Variants in AGMO observed in about 807,000 individuals in gnomAD.
The protein encoded by AGMO is glyceryl-ether monooxygenase.
A neutral mutation model predicts 60.2 loss-of-function variants in AGMO; 75 were observed. The observed-to-expected ratio is 1.25, with a 90% CI of 1.03 to 1.51. AGMO has a LOEUF of 1.51. AGMO is among the 40% of genes most tolerant of loss of function. AGMO has a pLI of 0.00. For synonymous variants in AGMO, 261 were observed against 177.1 expected (o/e 1.47, Z -3.76); for missense variants, 763 against 525.5 (o/e 1.45, Z -4.42).
At chr7:15,269,912 G>A (rs1034350967) in intron 12 of AGMO, among the ~76,000 whole-genome samples, 4 of 151,976 alleles carry the variant, frequency 2.6e-5, no homozygotes, top group Non-Finnish European at 5.9e-5. Context: ...GCCTCCAGCT[G>A]CCTCCATGTT....
At chr7:15,181,609 G>A in the AGMO span, among the ~76,000 whole-genome samples, 2 of 151,966 alleles carry the variant, frequency 1.3e-5, no homozygotes, top group African/African-American at 4.8e-5. Context: ...AAGCTTGTAG[G>A]TTCAATATAT....
chr7:15,262,946 TTAAA>T (rs1370414217), intron 12 of AGMO, among the ~76,000 whole-genome samples: 1 of 152,096 alleles, frequency 6.6e-6, no homozygotes, highest in East Asian at 1.9e-4. Context: ...GATCAAAGAC[TTAAA>T]TATAAGACCT....
At chr7:15,560,348 C>A in intron 1 of AGMO, 77 bp from the exon 2 acceptor site, 1 of 1,499,478 alleles carries the variant, frequency 6.7e-7, no homozygotes. Flanking sequence ...TTAGTCATTT[C>A]AGAATTGAAA....
chr7:15,142,876 T>G, the AGMO span, among the ~76,000 whole-genome samples: 1 of 152,320 alleles, frequency 6.6e-6, no homozygotes, highest in South Asian at 2.1e-4. Flanking sequence ...ACTAAGAAAC[T>G]TGCAGTTGTT....
Position 15,364,499 on chromosome 7 carries a change from A to G in AGMO, c.1263+1015T>C, listed in dbSNP as rs530630660. ...TATTTTACTACTTTATTAATGAATA[A>G]TAATTTCAAATAGTCCTCCATTCAT... On this transcript the variant is annotated intron_variant, in intron 12 of 12. Transcript: ENST00000342526. Among the ~76,000 whole-genome samples the G allele has an allele frequency of 5.1e-4, 77 of 152,182 alleles. 1 individual carries two copies. Among genetic ancestry groups the G allele is most frequent in the Middle Eastern group, 6.8e-3 (2 of 294 alleles).
intron 10 of AGMO, among the ~76,000 whole-genome samples, chr7:15,375,260 T>C (rs1372774186): frequency 6.6e-6 from 1 of 152,084 alleles, no homozygotes; most frequent in Non-Finnish European, 1.5e-5. Flanking sequence ...TAGGAAACTT[T>C]TATTTTCTTA....
At chr7:15,230,365 A>G (rs1782224623) in intron 12 of AGMO, among the ~76,000 whole-genome samples, 1 of 152,146 alleles carries the variant, frequency 6.6e-6, no homozygotes, top group South Asian at 2.1e-4. Flanking sequence ...CCATAAATAC[A>G]ATCGAGGAGT....
chr7:15,221,641 T>C (rs1175911096), intron 12 of AGMO, among the ~76,000 whole-genome samples: 6 of 152,150 alleles, frequency 3.9e-5, no homozygotes, highest in Admixed American at 1.3e-4. Flanking sequence ...CTGGAAATTG[T>C]AGAATCCCTT....
At chr7:15,155,530 C>G in the AGMO span, among the ~76,000 whole-genome samples, 1 of 131,124 alleles carries the variant, frequency 7.6e-6, no homozygotes, top group African/African-American at 2.8e-5. Flanking sequence ...CATCATCTTT[C>G]AACAATTATA....
At chr7:15,289,905 G>A (rs1469976676) in intron 12 of AGMO, among the ~76,000 whole-genome samples, 2 of 120,408 alleles carry the variant, frequency 1.7e-5, no homozygotes, top group Non-Finnish European at 3.3e-5. Context: ...AGTGGCTGTT[G>A]TAGCATCACA....
chr7:15,322,529 TATATAA>T (rs1563086172), intron 12 of AGMO, among the ~76,000 whole-genome samples: 7 of 83,524 alleles, frequency 8.4e-5, no homozygotes, highest in Admixed American at 4.1e-4. Context: ...TATATATAAA[TATATAA>T]ATATATATAT....
chr7:15,354,439 TACAC>T (rs370170476), intron 12 of AGMO, among the ~76,000 whole-genome samples: 251 of 20,818 alleles, frequency 0.012, 25 homozygotes, highest in Middle Eastern at 0.036. Context: ...CGTGTGTGTA[TACAC>T]ACGTGTGTGT....
At chr7:15,452,387 A>G (rs1264117475) in intron 3 of AGMO, among the ~76,000 whole-genome samples, 2 of 152,174 alleles carry the variant, frequency 1.3e-5, no homozygotes, top group East Asian at 3.8e-4. Flanking sequence ...ACAACTGAAA[A>G]TAGAAAAACA....
chr7:15,553,870 C>T (rs1163079312), intron 2 of AGMO, among the ~76,000 whole-genome samples: 1 of 152,082 alleles, frequency 6.6e-6, no homozygotes, highest in Non-Finnish European at 1.5e-5. Flanking sequence ...ATATGCCTAA[C>T]ATACTACAGT....
chr7:15,325,470 T>C (rs926220070), intron 12 of AGMO, among the ~76,000 whole-genome samples: 1 of 152,076 alleles, frequency 6.6e-6, no homozygotes, highest in Non-Finnish European at 1.5e-5. Flanking sequence ...TTTTCCGTTG[T>C]TTTTTAAACA....
chr7:15,358,568 C>G (rs566069592), intron 12 of AGMO: 16 of 364,400 alleles, frequency 4.4e-5, no homozygotes, highest in Non-Finnish European at 8.9e-5. Flanking sequence ...ATTTTCTGCA[C>G]TCCAAACTCA....
chr7:15,241,212 G>A (rs1001613495), intron 12 of AGMO, among the ~76,000 whole-genome samples: 19 of 151,970 alleles, frequency 1.3e-4, no homozygotes, highest in Non-Finnish European at 2.8e-4. Flanking sequence ...TGTAATCCCA[G>A]CACTTTGGGA....
Position 15,373,181 on chromosome 7 carries a change from G to C in AGMO, c.1075-6959C>G, listed in dbSNP as rs527930553. Among the ~76,000 whole-genome samples the C allele has an allele frequency of 3.3e-5, 5 of 152,078 alleles. No homozygotes were observed. In the South Asian group the frequency reaches 1.0e-3, roughly 32 times the overall value. On this transcript the variant is annotated intron_variant, in intron 10 of 12. Coordinates refer to ENST00000342526, the MANE Select transcript of AGMO (RefSeq NM_001004320.2). Reference sequence around the variant, plus strand: ...TAATTCCAGCTACTTGGGAGGTTAAGGCACAAGAACTGATTGAAACTGGGA... The same window carrying C: ...TAATTCCAGCTACTTGGGAGGTTAACGCACAAGAACTGATTGAAACTGGGA...
At chr7:15,523,961 T>C (rs1330304383) in intron 3 of AGMO, among the ~76,000 whole-genome samples, 1 of 152,176 alleles carries the variant, frequency 6.6e-6, no homozygotes, top group Non-Finnish European at 1.5e-5. Flanking sequence ...GAAAATGCAT[T>C]TTATATGCTT....
Sources: gnomAD v4.1 joint callset for allele counts (sites outside exome capture counted in the v4.1 genomes callset) on GRCh38, gnomAD v4.1.1 for gene constraint, MANE v1.5 for transcripts, NCBI Gene and HGNC (gene_info 2026-07-23, HGNC 2026-07-21) for gene names.